Variants in CUBN observed in about 807,000 individuals in gnomAD.
CUBN encodes the protein cubilin, also known as 460 kDa receptor.
A neutral mutation model predicts 405.3 loss-of-function variants in CUBN; 282 were observed. The observed-to-expected ratio is 0.70, with a 90% CI of 0.63 to 0.77. The LOEUF (loss-of-function observed/expected upper bound fraction) is 0.77. CUBN is among the 30% of genes least tolerant of loss of function. The pLI is 0.00. For missense variants in CUBN, 4,514 were observed against 4,475.2 expected (o/e 1.01, Z -0.25); for synonymous variants, 1,684 against 1,617.0 (o/e 1.04, Z -0.99).
intron 28 of CUBN, among the ~76,000 whole-genome samples, chr10:17,012,550 G>A (rs1336955945): frequency 6.6e-6 from 1 of 152,216 alleles, no homozygotes; most frequent in African/African-American, 2.4e-5. Flanking sequence ...AACTGTCTGA[G>A]AAATGCTTTG....
chr10:16,996,427 A>AT (rs1363708765), intron 28 of CUBN, among the ~76,000 whole-genome samples: 8 of 152,362 alleles, frequency 5.3e-5, no homozygotes, highest in African/African-American at 1.9e-4. Flanking sequence ...TGCTGAACTC[A>AT]TAACAACCAA....
intron 17 of CUBN, among the ~76,000 whole-genome samples, chr10:17,075,734 C>G (rs1484479583): frequency 1.3e-5 from 2 of 152,168 alleles, no homozygotes; most frequent in African/African-American, 2.4e-5. Flanking sequence ...TAGTTCCTTT[C>G]TCTGAGCTCT....
chr10:17,020,834 G>C (rs533928178), intron 27 of CUBN, among the ~76,000 whole-genome samples: 1 of 152,180 alleles, frequency 6.6e-6, no homozygotes, highest in East Asian at 1.9e-4. Context: ...ATCTTTTGCT[G>C]ATATAAATAG....
At chr10:17,116,960 TC>T (rs111734167) in intron 6 of CUBN, among the ~76,000 whole-genome samples, 11,654 of 152,158 alleles carry the variant, frequency 0.077, 720 homozygotes, top group East Asian at 0.22. Flanking sequence ...ATAAATATGT[TC>T]CATGCAATTT....
intron 41 of CUBN, among the ~76,000 whole-genome samples, chr10:16,927,302 C>T (rs1842220188): frequency 6.6e-6 from 1 of 151,926 alleles, no homozygotes; most frequent in Admixed American, 6.6e-5. Flanking sequence ...ACCAGAAGCT[C>T]ATCAGTAAGG....
In CUBN at chr10:16,835,039, A is replaced by C. The variant is rs1325883200; in HGVS notation, c.10337T>G (p.Val3446Gly). The change falls in exon 64 of 67, where the codon GTT becomes GGT. Residue 3446 changes from valine to glycine, a missense_variant. Physicochemically the swap from Val to Gly is moderately radical, Grantham distance 109 (BLOSUM62 -3). Coordinates refer to ENST00000377833, the MANE Select transcript of CUBN (RefSeq NM_001081.4). Reference protein sequence around the residue: ...FFHSLGIENSVECRNDFLEVR... With the variant: ...FFHSLGIENSGECRNDFLEVR... Reference sequence around the variant, plus strand: ...CTCCAAGAAATCGTTTCTGCATTCAACTGAGTTCTCGATGCCAAGTGAATG... The same window carrying C: ...CTCCAAGAAATCGTTTCTGCATTCACCTGAGTTCTCGATGCCAAGTGAATG... 1 of 1,614,194 alleles carries C rather than the reference A, an allele frequency of 6.2e-7. No homozygotes were observed. Among genetic ancestry groups the C allele is most frequent in the Admixed American group, 1.7e-5 (1 of 60,020 alleles).
chr10:16,947,477 T>C (rs1842818903), intron 35 of CUBN, 110 bp from the exon 36 acceptor site: 1 of 1,153,050 alleles, frequency 8.7e-7, no homozygotes, highest in Non-Finnish European at 1.3e-6. Context: ...GAATAGATAG[T>C]ATTTCCATCT....
intron 22 of CUBN, among the ~76,000 whole-genome samples, chr10:17,063,310 C>T (rs1339604349): frequency 2.0e-5 from 3 of 152,138 alleles, no homozygotes; most frequent in African/African-American, 7.2e-5. Flanking sequence ...CAACAACAAG[C>T]GGGCACAGTG....
Position 16,949,222 on chromosome 10 carries a change from G to C in CUBN, c.5081-616C>G, listed in dbSNP as rs144820702. Among the ~76,000 whole-genome samples, 3 of 152,294 alleles carry C rather than the reference G, an allele frequency of 2.0e-5. No homozygotes were observed. The East Asian group carries it at 5.8e-4, about 29-fold the overall frequency. ...AATATACCCTTATCCTTGGTCAAAT[G>C]CTTACTAACAAATGCTGTGAGAGGT... is the stretch of plus-strand genomic sequence containing the variant. On this transcript the variant is annotated intron_variant, in intron 34 of 66. Coordinates refer to ENST00000377833, the MANE Select transcript of CUBN (RefSeq NM_001081.4).
intron 17 of CUBN, among the ~76,000 whole-genome samples, chr10:17,072,760 T>C (rs1355331432): frequency 6.6e-6 from 1 of 152,024 alleles, no homozygotes; most frequent in Non-Finnish European, 1.5e-5. Context: ...AGCACAAATA[T>C]ACAAAATTGA....
chr10:16,991,644 TTTA>T (rs1303746078), intron 28 of CUBN, among the ~76,000 whole-genome samples: 3 of 151,566 alleles, frequency 2.0e-5, no homozygotes, highest in Non-Finnish European at 2.9e-5. Context: ...TTTTTTTTTT[TTTA>T]AATATTCTTT....
chr10:17,039,099 GCCT>G (rs1834961281), intron 27 of CUBN, among the ~76,000 whole-genome samples: 1 of 152,108 alleles, frequency 6.6e-6, no homozygotes, highest in Admixed American at 6.5e-5. Context: ...TTCTGCCAAA[GCCT>G]CCTTTAAAGC....
chr10:17,049,146 A>T (rs1243509435), intron 22 of CUBN, among the ~76,000 whole-genome samples: 1 of 152,244 alleles, frequency 6.6e-6, no homozygotes, highest in Non-Finnish European at 1.5e-5. Flanking sequence ...GAAGGGAGAC[A>T]ACAGGAAAGG....
At chr10:16,908,650 A>T (rs2131441305) in intron 48 of CUBN, among the ~76,000 whole-genome samples, 1 of 152,328 alleles carries the variant, frequency 6.6e-6, no homozygotes, top group African/African-American at 2.4e-5. Context: ...TTCGCAAACT[A>T]TTCTTCCAAT....
intron 59 of CUBN, among the ~76,000 whole-genome samples, chr10:16,857,633 T>C (rs1412071183): frequency 6.6e-6 from 1 of 152,182 alleles, no homozygotes; most frequent in Non-Finnish European, 1.5e-5. Context: ...CACACATTCA[T>C]GATAAAAACT....
chr10:16,937,798 C>A lies in CUBN; in HGVS notation c.5734-14G>T. The A allele has an allele frequency of 6.2e-7, 1 of 1,610,858 alleles. No homozygotes were observed. Among genetic ancestry groups the A allele is most frequent in the Non-Finnish European group, 8.5e-7 (1 of 1,177,370 alleles). ...CCCATCATAGATCTGTACATAAAAA[C>A]AGATAATAGAGCATTGTATTATCTA... On this transcript the variant is annotated splice_polypyrimidine_tract_variant and intron_variant, in intron 38 of 66. Transcript: ENST00000377833.
intron 33 of CUBN, 90 bp downstream of exon 33, chr10:16,952,186 G>A (rs1389951313): frequency 1.1e-6 from 1 of 877,126 alleles, no homozygotes; most frequent in East Asian, 2.5e-5. Flanking sequence ...TCGATTGTTA[G>A]CACTGAGATA....
At chr10:16,857,899 G>A (rs1172736799) in intron 59 of CUBN, among the ~76,000 whole-genome samples, 1 of 152,156 alleles carries the variant, frequency 6.6e-6, no homozygotes, top group Non-Finnish European at 1.5e-5. Context: ...GTAACTATTA[G>A]CTGCAGAAAA....
At position 16,831,339 on chromosome 10, in the gene CUBN, G is replaced by T; in HGVS notation, c.10441C>A (p.Gln3481Lys). Residue 3481 changes from glutamine (Q) to lysine (K), a missense_variant, in exon 65 of 67, where the codon CAA becomes AAA. Coordinates refer to ENST00000377833, the MANE Select transcript of CUBN (RefSeq NM_001081.4). ...AATCGTAGGTATAGTTCATTATTTTGAGAGAAGACAGGGTTTGGCAGCAGA... is the reference window on the plus strand; with the variant it reads ...AATCGTAGGTATAGTTCATTATTTTTAGAGAAGACAGGGTTTGGCAGCAGA... ...GTLLPNPVFS[Q>K]NNELYLRFKS... 1 of 1,613,802 alleles carries T rather than the reference G, an allele frequency of 6.2e-7. No homozygotes were observed.
Sources: allele counts gnomAD v4.1 joint callset (sites outside exome capture counted in the v4.1 genomes callset), GRCh38; gene constraint gnomAD v4.1.1; transcripts MANE v1.5; gene names NCBI Gene and HGNC (gene_info 2026-07-23, HGNC 2026-07-21).